ANKS1B: variants seen among roughly 807,000 people sequenced by gnomAD.
ANKS1B encodes the protein ankyrin repeat and sterile alpha motif domain containing 1B, also known as ankyrin repeat and sterile alpha motif domain-containing protein 1B.
In ANKS1B, 36 loss-of-function variants were observed where a neutral mutation model predicts 148.3. That is an observed-to-expected ratio of 0.24 (90% confidence interval 0.19 to 0.32). The LOEUF is 0.32. Among genes scored for constraint, ANKS1B ranks in the 10% least tolerant of loss-of-function variants. The pLI, the probability that ANKS1B is intolerant of heterozygous loss-of-function variation, is 1.00. For synonymous variants in ANKS1B, 542 were observed against 560.8 expected, an observed-to-expected ratio of 0.97 and a Z score of 0.47; for missense variants, 1,157 against 1,542.6, an observed-to-expected ratio of 0.75 and a Z score of 4.19.
chr12:99,401,658 C>T (rs1265611644), intron 11 of ANKS1B, among the ~76,000 whole-genome samples: 1 of 146,512 alleles, frequency 6.8e-6, no homozygotes, highest in East Asian at 1.9e-4. Context: ...CACGTAAGCA[C>T]TGTGATAGGA....
chr12:99,528,432 C>CAAAAAAAAAAAAAAAAAAAAAAAA (rs537716638), intron 9 of ANKS1B, among the ~76,000 whole-genome samples: 2 of 96,694 alleles, frequency 2.1e-5, no homozygotes, highest in Non-Finnish European at 4.4e-5. Context: ...AAAACAAAAA[C>CAAAAAAAAAAAAAAAAAAAAAAAA]AAAAAAAAAA....
At chr12:99,578,009 A>G (rs916476301) in intron 9 of ANKS1B, among the ~76,000 whole-genome samples, 1 of 152,174 alleles carries the variant, frequency 6.6e-6, no homozygotes, top group Non-Finnish European at 1.5e-5. Flanking sequence ...TGTGATCAAA[A>G]AGTTAATTCA....
intron 8 of ANKS1B, among the ~76,000 whole-genome samples, chr12:99,659,924 CTCT>C (rs1459115514): frequency 6.6e-6 from 1 of 152,150 alleles, no homozygotes; most frequent in African/African-American, 2.4e-5. Context: ...ATTACTAGAA[CTCT>C]TCAAGGGGAC....
At chr12:99,384,519 T>C (rs2093777835) in intron 12 of ANKS1B, among the ~76,000 whole-genome samples, 1 of 151,556 alleles carries the variant, frequency 6.6e-6, no homozygotes, top group Non-Finnish European at 1.5e-5. Context: ...AAAGATCATT[T>C]TTCATAGTAA....
chr12:98,967,631 A>AGAGGGGAGGGGAGGGGAGGG (rs1454015260), intron 17 of ANKS1B, among the ~76,000 whole-genome samples: 18 of 76,748 alleles, frequency 2.3e-4, no homozygotes, highest in East Asian at 4.1e-4. Flanking sequence ...AGAGGGTAGA[A>AGAGGGGAGGGGAGGGGAGGG]GAGGGGAGGG....
At chr12:99,260,618 T>C (rs1037882129) in intron 12 of ANKS1B, among the ~76,000 whole-genome samples, 5 of 152,210 alleles carry the variant, frequency 3.3e-5, no homozygotes, top group African/African-American at 1.2e-4. Flanking sequence ...TGGTAAGAGA[T>C]ATCCAATGTA....
intron 10 of ANKS1B, among the ~76,000 whole-genome samples, chr12:99,458,613 T>C (rs1595165409): frequency 6.6e-6 from 1 of 151,920 alleles, no homozygotes; most frequent in Non-Finnish European, 1.5e-5. Context: ...CAAAAGACCA[T>C]TTAAGGTTAC....
chr12:99,489,471 TAGAAG>T (rs1044143712), intron 10 of ANKS1B, among the ~76,000 whole-genome samples: 1 of 152,170 alleles, frequency 6.6e-6, no homozygotes, highest in Non-Finnish European at 1.5e-5. Flanking sequence ...TTTGAGCTAC[TAGAAG>T]AGAAAAGAAG....
chr12:98,913,476 A>T (rs2099789546), intron 17 of ANKS1B, among the ~76,000 whole-genome samples: 1 of 151,846 alleles, frequency 6.6e-6, no homozygotes, highest in African/African-American at 2.4e-5. Context: ...TTCTGGATCT[A>T]CTCTCATCCC....
intron 12 of ANKS1B, among the ~76,000 whole-genome samples, chr12:99,293,320 G>C (rs542111903): frequency 6.6e-6 from 1 of 151,908 alleles, no homozygotes; most frequent in African/African-American, 2.4e-5. Flanking sequence ...CTGGACACAG[G>C]GTGGGGAACA....
chr12:98,963,707 G>A (rs2099875455), intron 17 of ANKS1B, among the ~76,000 whole-genome samples: 1 of 152,140 alleles, frequency 6.6e-6, no homozygotes, highest in South Asian at 2.1e-4. Flanking sequence ...TCAATAAAGT[G>A]AAGAGACAGC....
At chr12:99,369,778 AT>A (rs1308512945) in intron 12 of ANKS1B, among the ~76,000 whole-genome samples, 4 of 145,504 alleles carry the variant, frequency 2.7e-5, no homozygotes, top group Non-Finnish European at 6.0e-5. Context: ...AGATAGATAG[AT>A]AGATAGATAG....
chr12:99,667,949 T>A (rs1461191653), intron 8 of ANKS1B, among the ~76,000 whole-genome samples: 4 of 152,208 alleles, frequency 2.6e-5, no homozygotes, highest in African/African-American at 9.6e-5. Flanking sequence ...TTTGTTACTA[T>A]TTTATTGAGG....
intron 9 of ANKS1B, among the ~76,000 whole-genome samples, chr12:99,579,419 C>T (rs1161461760): frequency 6.6e-6 from 1 of 152,112 alleles, no homozygotes; most frequent in African/African-American, 2.4e-5. Context: ...AGACAATCTA[C>T]AGAATGGGAG....
chr12:99,593,761 A>T (rs2097727861), intron 9 of ANKS1B, among the ~76,000 whole-genome samples: 1 of 152,148 alleles, frequency 6.6e-6, no homozygotes, highest in African/African-American at 2.4e-5. Context: ...TATCAGTAGG[A>T]TTAGGTTGTG....
chr12:99,229,565 TCAACCAATAACAGATA>T (rs1324141425), intron 14 of ANKS1B, among the ~76,000 whole-genome samples: 1 of 151,954 alleles, frequency 6.6e-6, no homozygotes, highest in Non-Finnish European at 1.5e-5. Flanking sequence ...GACCATAGAA[TCAACCAATAACAGATA>T]CAAAGTTTTT....
chr12:99,214,239 T>G (rs557192357), intron 14 of ANKS1B, among the ~76,000 whole-genome samples: 12 of 152,342 alleles, frequency 7.9e-5, no homozygotes, highest in African/African-American at 2.9e-4. Flanking sequence ...TAAAAAAAGT[T>G]TAAGCGTACA....
chr12:99,172,505 T>C (rs1566547721), intron 14 of ANKS1B, among the ~76,000 whole-genome samples: 1 of 152,182 alleles, frequency 6.6e-6, no homozygotes, highest in East Asian at 1.9e-4. Flanking sequence ...CCAAATATTC[T>C]TAGTTTCCTA....
chr12:98,963,697 T>C (rs1359218526), intron 17 of ANKS1B, among the ~76,000 whole-genome samples: 1 of 151,948 alleles, frequency 6.6e-6, no homozygotes, highest in Admixed American at 6.6e-5. Flanking sequence ...AAAGAAACAA[T>C]CAATAAAGTG....
Sources: gnomAD v4.1 joint callset for allele counts (sites outside exome capture counted in the v4.1 genomes callset) on GRCh38, gnomAD v4.1.1 for gene constraint, MANE v1.5 for transcripts, NCBI Gene and HGNC (gene_info 2026-07-23, HGNC 2026-07-21) for gene names.